Variants in KDM4B observed in about 807,000 individuals in gnomAD.
The protein encoded by KDM4B is lysine-specific demethylase 4B.
KDM4B carries 32 observed loss-of-function variants against 125.2 expected under a neutral mutation model. That is an observed-to-expected ratio of 0.26 (90% CI 0.19 to 0.34). KDM4B has a LOEUF of 0.34. Ranked by LOEUF, KDM4B falls within the 10% of genes least tolerant of loss-of-function variation. KDM4B has a pLI of 1.00. For missense variants in KDM4B, 1,190 were observed against 1,577.7 expected (o/e 0.75, Z 4.16); for synonymous variants, 721 against 677.9 (o/e 1.06, Z -0.99).
At chr19:5,064,052 G>A (rs780543896) in intron 6 of KDM4B, among the ~76,000 whole-genome samples, 34 of 152,226 alleles carry the variant, frequency 2.2e-4, no homozygotes, top group Admixed American at 1.4e-3. Context: ...AGGGCAGTGC[G>A]CCAGAGCCAT....
chr19:5,072,578 T>G (rs2037981992), intron 7 of KDM4B, among the ~76,000 whole-genome samples: 1 of 152,222 alleles, frequency 6.6e-6, no homozygotes, highest in Non-Finnish European at 1.5e-5. Flanking sequence ...AAAGAAAAGC[T>G]AGATTAAAGC....
intron 11 of KDM4B, 79 bp from the exon 12 acceptor site, chr19:5,130,997 T>G: frequency 1.8e-6 from 2 of 1,085,998 alleles, no homozygotes; most frequent in Non-Finnish European, 2.6e-6. Context: ...CCAGTCAAAG[T>G]TGGGGGATTT....
chr19:4,995,423 C>T (rs932709841), intron 1 of KDM4B, among the ~76,000 whole-genome samples: 1 of 152,010 alleles, frequency 6.6e-6, no homozygotes, highest in African/African-American at 2.4e-5. Flanking sequence ...GGATTACAGG[C>T]ACCCGCCACC....
At chr19:5,080,515 C>T (rs78529765) in intron 8 of KDM4B, among the ~76,000 whole-genome samples, 200 of 152,332 alleles carry the variant, frequency 1.3e-3, no homozygotes, top group African/African-American at 4.4e-3. Context: ...TGGGAGACAC[C>T]GCCAGCCCCA....
intron 14 of KDM4B, among the ~76,000 whole-genome samples, chr19:5,134,610 T>C (rs2039615879): frequency 6.6e-6 from 1 of 152,078 alleles, no homozygotes; most frequent in African/African-American, 2.4e-5. Flanking sequence ...GATCCCCCCT[T>C]CTCTCTTCCC....
intron 2 of KDM4B, among the ~76,000 whole-genome samples, chr19:5,029,826 C>A (rs1025259670): frequency 6.6e-6 from 1 of 152,218 alleles, no homozygotes; most frequent in Admixed American, 6.5e-5. Flanking sequence ...GATGCTGTCT[C>A]AAAAAACAAT....
intron 6 of KDM4B, among the ~76,000 whole-genome samples, chr19:5,056,598 G>A (rs1367294792): frequency 3.3e-5 from 5 of 152,104 alleles, no homozygotes; most frequent in Non-Finnish European, 7.4e-5. Context: ...GAGAGATGGG[G>A]TTTCACCATG....
At chr19:4,984,493 G>T (rs901165193) in intron 1 of KDM4B, among the ~76,000 whole-genome samples, 1 of 152,078 alleles carries the variant, frequency 6.6e-6, no homozygotes, top group Admixed American at 6.5e-5. Flanking sequence ...GGAAGCAGGC[G>T]TGGGGGTTTC....
chr19:5,116,941 AAC>A (rs1206418822), intron 10 of KDM4B, among the ~76,000 whole-genome samples: 1 of 152,174 alleles, frequency 6.6e-6, no homozygotes, highest in African/African-American at 2.4e-5. Context: ...TGGGTGCAGA[AAC>A]ACGCGAAGGG....
chr19:5,018,947 T>C (rs1287348931), intron 2 of KDM4B, among the ~76,000 whole-genome samples: 1 of 152,240 alleles, frequency 6.6e-6, no homozygotes, highest in Non-Finnish European at 1.5e-5. Flanking sequence ...CCGGGCGACC[T>C]GCTCCCCTGC....
At chr19:5,056,686 G>A (rs1048919046) in intron 6 of KDM4B, among the ~76,000 whole-genome samples, 1 of 152,188 alleles carries the variant, frequency 6.6e-6, no homozygotes, top group Non-Finnish European at 1.5e-5. Context: ...CGTTACAGAC[G>A]TGTGTCACTG....
In KDM4B at chr19:5,144,652, G is replaced by A. The variant is rs1003908733; in HGVS notation, c.2902-131G>A. Reference sequence around the variant, plus strand: ...GGGCTCTGCACCGCCCCGCTACCCCGGGCCCCCGCAGCCAGCTTTGGGGCT... The same window carrying A: ...GGGCTCTGCACCGCCCCGCTACCCCAGGCCCCCGCAGCCAGCTTTGGGGCT... On this transcript the variant is annotated intron_variant, in intron 20 of 22. Coordinates refer to ENST00000159111, the MANE Select transcript of KDM4B (RefSeq NM_015015.3). 46 of 1,344,136 alleles carry A rather than the reference G, an allele frequency of 3.4e-5. No homozygotes were observed. In the Admixed American group the frequency reaches 3.4e-4, roughly 10 times the overall value. The allele number at this position is 1,344,136 out of a possible 1,614,324, so 83.3% of individuals were successfully genotyped here.
At chr19:5,012,307 C>G (rs955171965) in intron 1 of KDM4B, among the ~76,000 whole-genome samples, 5 of 152,214 alleles carry the variant, frequency 3.3e-5, no homozygotes, top group African/African-American at 1.2e-4. Flanking sequence ...CTGCCACCCC[C>G]CACCCGTTTT....
At chr19:4,984,384 C>G (rs1463724659) in intron 1 of KDM4B, among the ~76,000 whole-genome samples, 1 of 152,158 alleles carries the variant, frequency 6.6e-6, no homozygotes, top group African/African-American at 2.4e-5. Context: ...AGTTAAGGAG[C>G]CGTGGAAGTG....
At chr19:5,129,441 C>T (rs749261370) in intron 11 of KDM4B, among the ~76,000 whole-genome samples, 1 of 152,188 alleles carries the variant, frequency 6.6e-6, no homozygotes, top group Non-Finnish European at 1.5e-5. Context: ...GGGGGCAGCC[C>T]GTGGTGGGTT....
Position 5,039,953 on chromosome 19 carries a change from A to G in KDM4B, c.259A>G (p.Asn87Asp). ...TGQSGLFTQY[N>D]IQKKAMTVGE... ...CCAGTCGGGCCTCTTCACGCAGTAC[A>G]ATATCCAGAAGAAGGCCATGACAGT... The change falls in exon 4 of 23, where the codon AAT (asparagine) becomes GAT (aspartate). Residue 87 changes from asparagine (N) to aspartate (D), a missense_variant. Transcript: ENST00000159111. The G allele has an allele frequency of 6.2e-7, 1 of 1,612,838 alleles. No homozygotes were observed. The highest frequency in any genetic ancestry group is 8.5e-7 in the Non-Finnish European group (1 of 1,179,838).
intron 2 of KDM4B, among the ~76,000 whole-genome samples, chr19:5,031,478 A>G (rs1243403864): frequency 6.6e-6 from 1 of 152,262 alleles, no homozygotes; most frequent in African/African-American, 2.4e-5. Context: ...AGGACTCTGC[A>G]CAGAGCAAGG....
intron 21 of KDM4B, 25 bp downstream of exon 21, chr19:5,144,927 G>T (rs767225471): frequency 2.5e-6 from 4 of 1,612,412 alleles, no homozygotes; most frequent in Non-Finnish European, 3.4e-6. Flanking sequence ...TGGCAGCCGC[G>T]CCATGCCTTC....
chr19:5,070,011 C>G (rs2037896707), intron 6 of KDM4B, among the ~76,000 whole-genome samples: 1 of 152,130 alleles, frequency 6.6e-6, no homozygotes, highest in Non-Finnish European at 1.5e-5. Context: ...TGCTTCTGCC[C>G]TGGGAGGGTC....
Sources: gnomAD v4.1 joint callset for allele counts (sites outside exome capture counted in the v4.1 genomes callset) on GRCh38, gnomAD v4.1.1 for gene constraint, MANE v1.5 for transcripts, NCBI Gene and HGNC (gene_info 2026-07-23, HGNC 2026-07-21) for gene names.